The following CFAP299 variants were observed in gnomAD, a reference collection of about 807,000 sequenced individuals.
CFAP299 encodes the protein cilia- and flagella-associated protein 299.
Under a neutral mutation model 27.0 loss-of-function variants are expected in CFAP299, and 21 were observed. That is an observed-to-expected ratio of 0.78 (90% confidence interval 0.55 to 1.12). The LOEUF is 1.12. Ranked by LOEUF, CFAP299 falls within the 50% of genes most tolerant of loss-of-function variation. The probability of loss-of-function intolerance (pLI) is 0.00; values close to 1 mark genes in which losing one functional copy is unlikely to be tolerated. For synonymous variants in CFAP299, 104 were observed against 98.1 expected, an observed-to-expected ratio of 1.06 and a Z score of -0.36; for missense variants, 310 against 276.6, an observed-to-expected ratio of 1.12 and a Z score of -0.86.
intron 4 of CFAP299, among the ~76,000 whole-genome samples, chr4:80,940,218 G>C (rs889695538): frequency 4.6e-5 from 7 of 152,122 alleles, no homozygotes; most frequent in Non-Finnish European, 1.0e-4. Context: ...TCTTCACAGT[G>C]GTTGTTTTGA....
chr4:80,385,810 ACCTGGAGGCAG>A (rs1392859504), intron 2 of CFAP299, among the ~76,000 whole-genome samples: 1 of 152,252 alleles, frequency 6.6e-6, no homozygotes, highest in Admixed American at 6.5e-5. Context: ...ACTAGAGCCC[ACCTGGAGGCAG>A]CCTGGAGGCA....
chr4:80,953,772 C>T (rs1462320093), intron 5 of CFAP299, among the ~76,000 whole-genome samples: 1 of 152,030 alleles, frequency 6.6e-6, no homozygotes, highest in Admixed American at 6.5e-5. Flanking sequence ...TATGTATATA[C>T]ATAAATATAT....
chr4:80,646,673 C>T (rs1452025468), intron 3 of CFAP299, among the ~76,000 whole-genome samples: 1 of 152,038 alleles, frequency 6.6e-6, no homozygotes, highest in African/African-American at 2.4e-5. Flanking sequence ...TGACAGAAAC[C>T]ATTGTCTTCT....
intron 2 of CFAP299, among the ~76,000 whole-genome samples, chr4:80,383,860 G>A (rs1047096978): frequency 6.6e-6 from 1 of 150,852 alleles, no homozygotes; most frequent in Admixed American, 6.6e-5. Context: ...TTTTTTTGTT[G>A]TTGTTATCTT....
intron 4 of CFAP299, among the ~76,000 whole-genome samples, chr4:80,890,754 T>C (rs1340596536): frequency 5.3e-5 from 8 of 150,686 alleles, no homozygotes; most frequent in Admixed American, 1.3e-4. Flanking sequence ...ATTGCCATTC[T>C]AACTGGTGTG....
intron 3 of CFAP299, among the ~76,000 whole-genome samples, chr4:80,750,654 A>C (rs1459705603): frequency 6.6e-6 from 1 of 152,226 alleles, no homozygotes; most frequent in African/African-American, 2.4e-5. Context: ...AATCATGTTG[A>C]ATGCTGCAGC....
intron 3 of CFAP299, among the ~76,000 whole-genome samples, chr4:80,670,887 T>C (rs1311099416): frequency 6.6e-6 from 1 of 152,238 alleles, no homozygotes; most frequent in Non-Finnish European, 1.5e-5. Flanking sequence ...TTCTGGATAT[T>C]AGCCCTTTGT....
chr4:80,640,039 G>T (rs1007412309), intron 3 of CFAP299, among the ~76,000 whole-genome samples: 3 of 152,100 alleles, frequency 2.0e-5, no homozygotes, highest in African/African-American at 7.2e-5. Flanking sequence ...GAGATGGGTG[G>T]TGTTGATAGT....
chr4:80,345,717 T>C (rs1360092207), intron 1 of CFAP299, among the ~76,000 whole-genome samples: 1 of 152,200 alleles, frequency 6.6e-6, no homozygotes, highest in Non-Finnish European at 1.5e-5. Flanking sequence ...CTTTTGTGAA[T>C]AGCGCCACAA....
chr4:80,454,563 C>T (rs1729058663), intron 2 of CFAP299, among the ~76,000 whole-genome samples: 1 of 152,128 alleles, frequency 6.6e-6, no homozygotes, highest in African/African-American at 2.4e-5. Context: ...GTTCTCATTG[C>T]CTTGTTCCTA....
intron 2 of CFAP299, among the ~76,000 whole-genome samples, chr4:80,440,621 G>GAAAATTCCAA (rs1244760779): frequency 6.6e-6 from 1 of 152,176 alleles, no homozygotes; most frequent in Non-Finnish European, 1.5e-5. Flanking sequence ...CAAAAATGCT[G>GAAAATTCCAA]AAAATTCCAA....
chr4:80,688,424 G>C (rs1325168149), intron 3 of CFAP299, among the ~76,000 whole-genome samples: 1 of 152,152 alleles, frequency 6.6e-6, no homozygotes, highest in Admixed American at 6.5e-5. Context: ...CCCCCAGCAG[G>C]GGCACACTGA....
chr4:80,356,695 G>C (rs1189946543), intron 1 of CFAP299, among the ~76,000 whole-genome samples: 3 of 151,978 alleles, frequency 2.0e-5, no homozygotes, highest in Non-Finnish European at 4.4e-5. Context: ...TGTATCCTGA[G>C]ACTTTGCTGG....
chr4:80,893,676 G>A (rs894310301), intron 4 of CFAP299, among the ~76,000 whole-genome samples: 3 of 147,146 alleles, frequency 2.0e-5, no homozygotes, highest in Non-Finnish European at 3.0e-5. Flanking sequence ...AAAAAAAAAA[G>A]AAATTGGACC....
intron 2 of CFAP299, among the ~76,000 whole-genome samples, chr4:80,510,818 AGTAT>A (rs888634241): frequency 1.3e-5 from 2 of 152,212 alleles, no homozygotes; most frequent in Non-Finnish European, 2.9e-5. Flanking sequence ...TATCATTTGT[AGTAT>A]GTACAATGTT....
At chr4:80,501,561 A>G (rs375991781) in intron 2 of CFAP299, among the ~76,000 whole-genome samples, 2 of 148,552 alleles carry the variant, frequency 1.3e-5, no homozygotes, top group African/African-American at 4.9e-5. Context: ...GTATAAATAT[A>G]TAATTTATAT....
chr4:80,855,094 G>A (rs1323212046), intron 3 of CFAP299, among the ~76,000 whole-genome samples: 3 of 152,020 alleles, frequency 2.0e-5, no homozygotes, highest in African/African-American at 7.2e-5. Context: ...AGTGATGGAG[G>A]TCAGAAAACA....
chr4:80,927,552 G>C (rs1192337558), intron 4 of CFAP299, among the ~76,000 whole-genome samples: 8 of 151,994 alleles, frequency 5.3e-5, no homozygotes, highest in African/African-American at 1.9e-4. Context: ...CTCAGTTCAG[G>C]GTCTCACAAG....
At chr4:80,852,480 T>C (rs1266838979) in intron 3 of CFAP299, among the ~76,000 whole-genome samples, 2 of 152,026 alleles carry the variant, frequency 1.3e-5, no homozygotes, top group Admixed American at 6.6e-5. Context: ...AATAAGATAA[T>C]AAGATAAATC....
Sources: gnomAD v4.1 joint callset for allele counts (sites outside exome capture counted in the v4.1 genomes callset) on GRCh38, gnomAD v4.1.1 for gene constraint, MANE v1.5 for transcripts, NCBI Gene and HGNC (gene_info 2026-07-23, HGNC 2026-07-21) for gene names.